HHAT: variants seen among roughly 807,000 people sequenced by gnomAD.
The protein encoded by HHAT is protein-cysteine N-palmitoyltransferase HHAT.
A neutral mutation model predicts 70.8 loss-of-function variants in HHAT; 47 were observed. The ratio of observed to expected loss-of-function variants is 0.66; its 90% CI spans 0.53 to 0.85. HHAT has a LOEUF of 0.85. Among genes scored for constraint, HHAT ranks in the 40% least tolerant of loss-of-function variants. The pLI, the probability that HHAT is intolerant of heterozygous loss-of-function variation, is 0.00. For missense variants in HHAT, 609 were observed against 604.8 expected, an observed-to-expected ratio of 1.01 and a Z score of -0.07; for synonymous variants, 228 against 247.6, an observed-to-expected ratio of 0.92 and a Z score of 0.74.
At chr1:210,347,710 G>A (rs999077169) in intron 1 of HHAT, among the ~76,000 whole-genome samples, 1 of 152,162 alleles carries the variant, frequency 6.6e-6, no homozygotes, top group African/African-American at 2.4e-5. Context: ...TCTCTTTCCT[G>A]TAACAGTCTA....
intron 11 of HHAT, among the ~76,000 whole-genome samples, chr1:210,643,277 A>C (rs760460524): frequency 4.7e-4 from 72 of 152,296 alleles, no homozygotes; most frequent in Non-Finnish European, 6.8e-4. Context: ...TTACTTCGGA[A>C]ACATCTTGTC....
At chr1:210,660,069 G>A (rs1677317523) in intron 11 of HHAT, among the ~76,000 whole-genome samples, 1 of 152,062 alleles carries the variant, frequency 6.6e-6, no homozygotes, top group South Asian at 2.1e-4. Flanking sequence ...TTCTGGCCAG[G>A]GCAATCAGGA....
intron 9 of HHAT, among the ~76,000 whole-genome samples, chr1:210,518,150 C>A (rs2148597613): frequency 6.6e-6 from 1 of 152,244 alleles, no homozygotes; most frequent in South Asian, 2.1e-4. Context: ...TACTGTTAAC[C>A]ATTGTCACTC....
intron 1 of HHAT, among the ~76,000 whole-genome samples, chr1:210,335,346 G>A (rs1469776364): frequency 6.7e-6 from 1 of 148,716 alleles, no homozygotes; most frequent in Non-Finnish European, 1.5e-5. Context: ...TTTGCAAGCT[G>A]GAGCATTGAG....
At chr1:210,582,528 G>GA (rs1659499019) in intron 9 of HHAT, among the ~76,000 whole-genome samples, 1 of 152,128 alleles carries the variant, frequency 6.6e-6, no homozygotes, top group African/African-American at 2.4e-5. Flanking sequence ...TAGGTCCTTG[G>GA]AAAAAAGAAG....
intron 9 of HHAT, among the ~76,000 whole-genome samples, chr1:210,587,414 C>G (rs1660704321): frequency 6.6e-6 from 1 of 152,154 alleles, no homozygotes; most frequent in South Asian, 2.1e-4. Flanking sequence ...AAAACCCACC[C>G]CCATGATTCA....
At chr1:210,628,682 T>C (rs1670298472) in intron 11 of HHAT, among the ~76,000 whole-genome samples, 1 of 152,234 alleles carries the variant, frequency 6.6e-6, no homozygotes, top group Non-Finnish European at 1.5e-5. Flanking sequence ...TTTCTTGCTA[T>C]TTCTAGCTGA....
chr1:210,505,367 G>A (rs2094834769), intron 8 of HHAT, among the ~76,000 whole-genome samples: 2 of 152,186 alleles, frequency 1.3e-5, no homozygotes, highest in South Asian at 4.1e-4. Flanking sequence ...ACTGAGAGGA[G>A]GGCAGCATTG....
intron 10 of HHAT, among the ~76,000 whole-genome samples, chr1:210,622,700 C>T (rs1417684425): frequency 6.6e-6 from 1 of 152,174 alleles, no homozygotes; most frequent in Non-Finnish European, 1.5e-5. Context: ...CTGACTCCAG[C>T]AGTAGGCTCG....
intron 3 of HHAT, among the ~76,000 whole-genome samples, chr1:210,379,857 A>T (rs1405544353): frequency 6.6e-6 from 1 of 152,162 alleles, no homozygotes; most frequent in African/African-American, 2.4e-5. Flanking sequence ...TTGTAATACT[A>T]CTGTACTTTG....
chr1:210,441,853 C>CA (rs200350511), intron 7 of HHAT, among the ~76,000 whole-genome samples: 22 of 151,028 alleles, frequency 1.5e-4, no homozygotes, highest in African/African-American at 5.1e-4. Context: ...CACACACACA[C>CA]TTTTTTTTTA....
At chr1:210,353,517 T>C (rs2087281352) in intron 2 of HHAT, among the ~76,000 whole-genome samples, 1 of 151,908 alleles carries the variant, frequency 6.6e-6, no homozygotes, top group Non-Finnish European at 1.5e-5. Context: ...TTCGTTCTTA[T>C]TTAAATGTTT....
At chr1:210,555,751 T>TG (rs1452072763) in intron 9 of HHAT, among the ~76,000 whole-genome samples, 6 of 152,166 alleles carry the variant, frequency 3.9e-5, no homozygotes, top group African/African-American at 1.4e-4. Context: ...GGGACAGAAA[T>TG]GGTGCCCATC....
intron 1 of HHAT, among the ~76,000 whole-genome samples, chr1:210,345,908 T>TA (rs1157636807): frequency 6.6e-6 from 1 of 150,658 alleles, no homozygotes; most frequent in Non-Finnish European, 1.5e-5. Context: ...ACAACAACAA[T>TA]AAAAAACTAG....
intron 10 of HHAT, among the ~76,000 whole-genome samples, chr1:210,602,579 A>C (rs960033162): frequency 1.3e-5 from 2 of 152,204 alleles, no homozygotes; most frequent in Non-Finnish European, 2.9e-5. Flanking sequence ...CATGGTTCCC[A>C]TAGAAAGGGA....
intron 11 of HHAT, among the ~76,000 whole-genome samples, chr1:210,671,323 G>A (rs915222257): frequency 6.6e-6 from 1 of 152,174 alleles, no homozygotes; most frequent in East Asian, 1.9e-4. Flanking sequence ...CCACTGAGGA[G>A]CAGGTGTTGG....
chr1:210,510,626 T>A (rs1299064469), intron 8 of HHAT, among the ~76,000 whole-genome samples: 1 of 152,214 alleles, frequency 6.6e-6, no homozygotes, highest in Non-Finnish European at 1.5e-5. Context: ...ACCCTGCTTT[T>A]AGCAGGGTGC....
At chr1:210,353,919 T>C (rs1370583794) in intron 2 of HHAT, among the ~76,000 whole-genome samples, 1 of 152,196 alleles carries the variant, frequency 6.6e-6, no homozygotes, top group Non-Finnish European at 1.5e-5. Flanking sequence ...GCTTAGCTCA[T>C]TTACTTTGTA....
intron 6 of HHAT, among the ~76,000 whole-genome samples, chr1:210,406,095 G>C (rs1464242245): frequency 6.6e-6 from 1 of 152,104 alleles, no homozygotes; most frequent in Non-Finnish European, 1.5e-5. Context: ...CCAGGAGGAG[G>C]GTGGGAGTAA....
Sources: gnomAD v4.1 joint callset for allele counts (sites outside exome capture counted in the v4.1 genomes callset) on GRCh38, gnomAD v4.1.1 for gene constraint, MANE v1.5 for transcripts, NCBI Gene and HGNC (gene_info 2026-07-23, HGNC 2026-07-21) for gene names.